TFEC: variants seen among roughly 807,000 people sequenced by gnomAD.
TFEC encodes the protein transcription factor EC.
TFEC carries 31 observed loss-of-function variants against 41.6 expected under a neutral mutation model. The ratio of observed to expected loss-of-function variants is 0.74; its 90% CI spans 0.56 to 1.01. The LOEUF (loss-of-function observed/expected upper bound fraction) is 1.01, where lower values mean the gene tolerates loss of function less well. TFEC is among the 50% of genes least tolerant of loss of function. The pLI, the probability that TFEC is intolerant of heterozygous loss-of-function variation, is 0.00. For missense variants in TFEC, 402 were observed against 404.1 expected, an observed-to-expected ratio of 0.99 and a Z score of 0.04; for synonymous variants, 143 against 140.6, an observed-to-expected ratio of 1.02 and a Z score of -0.12.
chr7:116,123,585 C>T (rs1451374532), intron 1 of TFEC, among the ~76,000 whole-genome samples: 1 of 152,014 alleles, frequency 6.6e-6, no homozygotes, highest in Admixed American at 6.6e-5. Context: ...TGGTCTAACC[C>T]GCATATCCCC....
chr7:116,048,625 A>G (rs986285602), intron 3 of TFEC, among the ~76,000 whole-genome samples: 1 of 152,230 alleles, frequency 6.6e-6, no homozygotes, highest in Non-Finnish European at 1.5e-5. Context: ...CAGGAAATTC[A>G]AAGAATGCCA....
chr7:115,974,505 T>C (rs938857300), intron 2 of TFEC, among the ~76,000 whole-genome samples: 1 of 141,064 alleles, frequency 7.1e-6, no homozygotes, highest in African/African-American at 2.6e-5. Context: ...ATCTTTGGTC[T>C]GTTGCTTTTT....
chr7:115,983,132 T>C (rs1179482346), intron 2 of TFEC, among the ~76,000 whole-genome samples: 1 of 152,110 alleles, frequency 6.6e-6, no homozygotes, highest in Non-Finnish European at 1.5e-5. Flanking sequence ...ACAATCTTCA[T>C]AGACTGAATA....
At chr7:116,038,303 T>C (rs1393767423) in intron 3 of TFEC, among the ~76,000 whole-genome samples, 3 of 151,996 alleles carry the variant, frequency 2.0e-5, no homozygotes, top group Non-Finnish European at 4.4e-5. Flanking sequence ...GCAATCTCTG[T>C]GTCCTTTTCC....
At chr7:115,979,040 C>T (rs936495852) in intron 2 of TFEC, among the ~76,000 whole-genome samples, 2 of 152,150 alleles carry the variant, frequency 1.3e-5, no homozygotes, top group Non-Finnish European at 2.9e-5. Flanking sequence ...CCAACATCTC[C>T]ACGTGATGAT....
At chr7:116,083,543 A>C (rs569321661) in intron 3 of TFEC, among the ~76,000 whole-genome samples, 2 of 151,992 alleles carry the variant, frequency 1.3e-5, no homozygotes, top group African/African-American at 2.4e-5. Context: ...AAAACTACAC[A>C]GTCACACACT....
intron 3 of TFEC, among the ~76,000 whole-genome samples, chr7:115,964,459 T>G (rs1584599546): frequency 6.6e-6 from 1 of 151,542 alleles, no homozygotes; most frequent in South Asian, 2.1e-4. Flanking sequence ...TCACTCATTA[T>G]TATAAATATT....
intron 3 of TFEC, among the ~76,000 whole-genome samples, chr7:116,080,976 AGTGTGTGT>A (rs60317630): frequency 4.9e-4 from 67 of 138,010 alleles, no homozygotes; most frequent in Middle Eastern, 7.6e-3. Flanking sequence ...AAGAAAATGT[AGTGTGTGT>A]GTGTGTGTGT....
In TFEC at chr7:115,956,565, T is replaced by C. The variant is rs147452248; in HGVS notation, c.382+114A>G. ...AAAGATGAATTTACTGTCTGCCTTC[T>C]TTTTTGTAACTGTTTTGTTATACTT... On this transcript the variant is annotated intron_variant, in intron 4 of 7. Coordinates refer to ENST00000265440, the MANE Select transcript of TFEC (RefSeq NM_012252.4). The C allele has an allele frequency of 4.8e-4, 275 of 567,692 alleles. 3 individuals are homozygous for C. In the East Asian group the frequency reaches 8.8e-3, roughly 18 times the overall value. 35.2% of individuals were successfully genotyped at this position (567,692 alleles called of 1,614,324 possible).
At chr7:116,015,911 T>C (rs960936147) in intron 1 of TFEC, among the ~76,000 whole-genome samples, 15 of 152,148 alleles carry the variant, frequency 9.9e-5, no homozygotes, top group African/African-American at 3.4e-4. Context: ...TGTGCAGATT[T>C]AGAGACACAA....
chr7:115,998,367 G>A (rs1794450713), intron 1 of TFEC, among the ~76,000 whole-genome samples: 1 of 151,754 alleles, frequency 6.6e-6, no homozygotes. Context: ...CATACCACCA[G>A]AGAAAACTAC....
At chr7:115,985,187 A>T (rs1167444529) in intron 1 of TFEC, among the ~76,000 whole-genome samples, 1 of 152,140 alleles carries the variant, frequency 6.6e-6, no homozygotes, top group Non-Finnish European at 1.5e-5. Context: ...TCAGAAAAAA[A>T]TCTAACGATT....
chr7:116,078,781 C>T (rs1797020108), intron 3 of TFEC, among the ~76,000 whole-genome samples: 1 of 152,088 alleles, frequency 6.6e-6, no homozygotes, highest in African/African-American at 2.4e-5. Flanking sequence ...ACCCATCCTA[C>T]TGACACTATT....
At chr7:115,948,291 C>A (rs1237787875) in intron 6 of TFEC, among the ~76,000 whole-genome samples, 3 of 151,734 alleles carry the variant, frequency 2.0e-5, no homozygotes, top group Admixed American at 2.0e-4. Flanking sequence ...TGGTACCATT[C>A]CTTCTGAAAC....
rs143964657 is a variant in TFEC, at chr7:116,095,141, T to C, written c.198+15567A>G. Among the ~76,000 whole-genome samples the C allele has an allele frequency of 1.7e-3, 261 of 152,340 alleles. 1 individual carries two copies. The highest frequency in any genetic ancestry group is 5.6e-3 in the African/African-American group (233 of 41,574). On this transcript the variant is annotated intron_variant, in intron 3 of 8. Transcript: ENST00000484212. The stretch of plus-strand genomic sequence containing the variant: ...AAATTTATAATACAGGGCTGCTTAC[T>C]TAATATCCCTTTCATGGTTTGACCT...
chr7:116,081,667 C>G (rs910358069), intron 3 of TFEC, among the ~76,000 whole-genome samples: 2 of 152,066 alleles, frequency 1.3e-5, no homozygotes, highest in African/African-American at 2.4e-5. Flanking sequence ...CCCACTATAG[C>G]TCTCAGAATT....
At chr7:115,970,320 C>T (rs1793076749) in intron 3 of TFEC, among the ~76,000 whole-genome samples, 1 of 152,016 alleles carries the variant, frequency 6.6e-6, no homozygotes. Flanking sequence ...GATTAGTTTG[C>T]TATTGATTGC....
intron 3 of TFEC, among the ~76,000 whole-genome samples, chr7:115,964,185 G>A (rs1268713248): frequency 6.6e-6 from 1 of 151,752 alleles, no homozygotes; most frequent in African/African-American, 2.4e-5. Context: ...CTTAGTAAAT[G>A]TAATTACTGA....
At chr7:116,012,787 T>C (rs1795048799) in intron 1 of TFEC, among the ~76,000 whole-genome samples, 1 of 148,558 alleles carries the variant, frequency 6.7e-6, no homozygotes, top group Non-Finnish European at 1.5e-5. Flanking sequence ...AACTTATACA[T>C]TTTCATAAGA....
Sources: gnomAD v4.1 joint callset for allele counts (sites outside exome capture counted in the v4.1 genomes callset) on GRCh38, gnomAD v4.1.1 for gene constraint, MANE v1.5 for transcripts, NCBI Gene and HGNC (gene_info 2026-07-23, HGNC 2026-07-21) for gene names.